SCP2: variants seen among roughly 807,000 people sequenced by gnomAD.
The protein encoded by SCP2 is sterol carrier protein 2, also known as SCP-2/3-oxoacyl-CoA thiolase.
A neutral mutation model predicts 71.4 loss-of-function variants in SCP2; 48 were observed. That is an observed-to-expected ratio of 0.67 (90% CI 0.53 to 0.86). SCP2 has a LOEUF of 0.86. Ranked by LOEUF, SCP2 falls within the 40% of genes least tolerant of loss-of-function variation. The pLI, the probability that SCP2 is intolerant of heterozygous loss-of-function variation, is 0.00. For missense variants in SCP2, 560 were observed against 655.6 expected (o/e 0.85, Z 1.59); for synonymous variants, 220 against 218.1 (o/e 1.01, Z -0.08).
At chr1:52,982,023 C>T (rs1487035604) in intron 10 of SCP2, among the ~76,000 whole-genome samples, 5 of 151,970 alleles carry the variant, frequency 3.3e-5, no homozygotes, top group Admixed American at 1.3e-4. Flanking sequence ...TTCAACTTAT[C>T]GATTGTTTTT....
At chr1:52,961,964 C>T (rs1038245549) in intron 6 of SCP2, among the ~76,000 whole-genome samples, 4 of 152,016 alleles carry the variant, frequency 2.6e-5, no homozygotes, top group Non-Finnish European at 2.9e-5. Flanking sequence ...TGCAGTGGTG[C>T]GATCTCGGCT....
chr1:53,020,346 C>G (rs1282307059), intron 12 of SCP2, among the ~76,000 whole-genome samples: 1 of 152,196 alleles, frequency 6.6e-6, no homozygotes, highest in Non-Finnish European at 1.5e-5. Context: ...ATCTGCCACA[C>G]ATTGTAGTTG....
At chr1:53,004,344 T>C (rs937514956) in intron 11 of SCP2, among the ~76,000 whole-genome samples, 6 of 152,238 alleles carry the variant, frequency 3.9e-5, no homozygotes, top group African/African-American at 1.4e-4. Flanking sequence ...TTACTTTTTT[T>C]TGAAATATAT....
At chr1:52,934,784 T>C (rs1653540334) in intron 1 of SCP2, 1 of 149,044 alleles carries the variant, frequency 6.7e-6, no homozygotes, top group Non-Finnish European at 1.5e-5. Flanking sequence ...GGCTAATTTT[T>C]TGTATTTTTA....
intron 1 of SCP2, among the ~76,000 whole-genome samples, chr1:52,932,481 G>C (rs1280476107): frequency 6.6e-6 from 1 of 152,148 alleles, no homozygotes; most frequent in Non-Finnish European, 1.5e-5. Context: ...GAGAATGAAT[G>C]TGTCCACCAA....
chr1:52,971,458 A>G (rs1657488643), intron 6 of SCP2, among the ~76,000 whole-genome samples: 1 of 152,244 alleles, frequency 6.6e-6, no homozygotes, highest in South Asian at 2.1e-4. Flanking sequence ...ATTGTAGGGA[A>G]CAAGGGCCTT....
intron 6 of SCP2, among the ~76,000 whole-genome samples, chr1:52,969,650 C>T (rs4515739): frequency 0.031 from 4,739 of 152,092 alleles, 252 homozygotes; most frequent in African/African-American, 0.11. Flanking sequence ...GGTGAAACCC[C>T]ATCTCTACTA....
intron 12 of SCP2, 34 bp downstream of exon 12, chr1:53,015,077 A>C: frequency 1.9e-6 from 3 of 1,602,384 alleles, no homozygotes; most frequent in Non-Finnish European, 2.6e-6. Context: ...GTGTCAGTTA[A>C]TCCTTCTGAC....
intron 11 of SCP2, among the ~76,000 whole-genome samples, chr1:53,008,356 T>A (rs1255632505): frequency 6.6e-6 from 1 of 152,206 alleles, no homozygotes; most frequent in Non-Finnish European, 1.5e-5. Flanking sequence ...ATATCCCTGA[T>A]GAACATTGAT....
In SCP2 at chr1:52,944,901, C is replaced by T. The variant is rs181150508; in HGVS notation, c.127+3048C>T. Reference sequence around the variant, plus strand: ...ACCTCGGGTGATCCACCCGCCTCGGCCTCCCAAAGTGCTAGGATTACAGGC... The same window carrying T: ...ACCTCGGGTGATCCACCCGCCTCGGTCTCCCAAAGTGCTAGGATTACAGGC... On this transcript the variant is annotated intron_variant, in intron 2 of 15. Transcript: ENST00000371514. Among the ~76,000 whole-genome samples, 731 of 151,984 alleles carry T rather than the reference C, an allele frequency of 4.8e-3. 3 individuals are homozygous for T. The Middle Eastern group carries it at 0.065, about 13-fold the overall frequency.
intron 5 of SCP2, among the ~76,000 whole-genome samples, chr1:52,961,088 TTAA>T (rs1656394103): frequency 6.8e-6 from 1 of 146,488 alleles, no homozygotes; most frequent in African/African-American, 2.6e-5. Flanking sequence ...TTTTTTTTTT[TTAA>T]TTATACTTTA....
chr1:52,994,653 GAA>G (rs989989444), intron 11 of SCP2: 27 of 507,264 alleles, frequency 5.3e-5, no homozygotes, highest in Admixed American at 1.9e-4. Context: ...AACTAGCAGA[GAA>G]AAAAAGTTAC....
At chr1:53,021,641 CTTTCTTTTT>C (rs1557614541) in intron 12 of SCP2, among the ~76,000 whole-genome samples, 5,515 of 140,096 alleles carry the variant, frequency 0.039, 213 homozygotes, top group East Asian at 0.22. Flanking sequence ...TTTTCTTTTT[CTTTCTTTTT>C]TTTTTTTTTT....
intron 12 of SCP2, among the ~76,000 whole-genome samples, chr1:53,018,200 C>A (rs1045449157): frequency 3.9e-5 from 6 of 152,138 alleles, no homozygotes; most frequent in Non-Finnish European, 7.4e-5. Flanking sequence ...TACAAACAAA[C>A]AGGAAAAAAT....
At chr1:53,039,072 A>G (rs754124842) in intron 14 of SCP2, 26 bp downstream of exon 14, 2 of 1,613,914 alleles carry the variant, frequency 1.2e-6, no homozygotes, top group East Asian at 4.5e-5. Flanking sequence ...ACTTCATTCT[A>G]GGAGCACTGA....
chr1:52,979,936 CCTCT>C (rs1398442875), intron 9 of SCP2, among the ~76,000 whole-genome samples: 2 of 140,770 alleles, frequency 1.4e-5, no homozygotes, highest in African/African-American at 5.1e-5. Context: ...CTTTCCCTTT[CCTCT>C]CTTTCTTTCT....
Position 52,975,372 on chromosome 1 carries a change from G to A in SCP2, c.587+540G>A, listed in dbSNP as rs1657872732. Among the ~76,000 whole-genome samples, 5 of 152,236 alleles carry A rather than the reference G, an allele frequency of 3.3e-5. No homozygotes were observed. In the South Asian group the frequency reaches 1.0e-3, roughly 32 times the overall value. ...ATTTTTGTATTTTTAGTAGAGACAG[G>A]GTTTCACCATCTTGGCCAGGCTGGT... On this transcript the variant is annotated intron_variant, in intron 7 of 15. Transcript: ENST00000371514.
At chr1:52,991,795 T>C (rs1659533216) in intron 11 of SCP2, among the ~76,000 whole-genome samples, 1 of 152,054 alleles carries the variant, frequency 6.6e-6, no homozygotes, top group Non-Finnish European at 1.5e-5. Context: ...TGATAACAGA[T>C]CAATTTTAAT....
chr1:52,955,514 G>A (rs1226151826), intron 5 of SCP2, among the ~76,000 whole-genome samples: 1 of 151,654 alleles, frequency 6.6e-6, no homozygotes, highest in Non-Finnish European at 1.5e-5. Context: ...AGTAAAACAG[G>A]GGAGGAAAAA....
Sources: gnomAD v4.1 joint callset for allele counts (sites outside exome capture counted in the v4.1 genomes callset) on GRCh38, gnomAD v4.1.1 for gene constraint, MANE v1.5 for transcripts, NCBI Gene and HGNC (gene_info 2026-07-23, HGNC 2026-07-21) for gene names.